The following GALNT16 variants were observed in gnomAD, a reference collection of about 807,000 sequenced individuals.
GALNT16 encodes polypeptide N-acetylgalactosaminyltransferase 16, also known as UDP-GalNAc:polypeptide N-acetylgalactosaminyltransferase-like protein 1.
In GALNT16, 40 loss-of-function variants were observed where a neutral mutation model predicts 76.1. The observed-to-expected ratio is 0.53, with a 90% confidence interval of 0.41 to 0.68. The LOEUF (loss-of-function observed/expected upper bound fraction) is 0.68. Among genes scored for constraint, GALNT16 ranks in the 30% least tolerant of loss-of-function variants. GALNT16 has a pLI of 0.00. For synonymous variants in GALNT16, 276 were observed against 285.2 expected (o/e 0.97, Z 0.32); for missense variants, 621 against 731.9 (o/e 0.85, Z 1.75).
the GALNT16 span, among the ~76,000 whole-genome samples, chr14:69,383,172 C>G: frequency 3.0e-4 from 46 of 152,286 alleles, no homozygotes; most frequent in African/African-American, 1.1e-3. Flanking sequence ...ACATACAGAT[C>G]AGAAAACTGG....
At chr14:69,297,202 T>C (rs1177527398) in intron 1 of GALNT16, among the ~76,000 whole-genome samples, 1 of 152,254 alleles carries the variant, frequency 6.6e-6, no homozygotes, top group Non-Finnish European at 1.5e-5. Context: ...GTAGCATTTG[T>C]AATTTTTACT....
chr14:69,384,163 G>T, the GALNT16 span, among the ~76,000 whole-genome samples: 1 of 152,138 alleles, frequency 6.6e-6, no homozygotes, highest in East Asian at 1.9e-4. Context: ...TATCTCACAC[G>T]TAGACATTAA....
At position 69,333,710 on chromosome 14, in the gene GALNT16, A is replaced by G. The variant is rs186092938; in HGVS notation, c.967+110A>G. The stretch of plus-strand genomic sequence containing the variant: ...GACCTGCTCTAAGGACTTTACACAC[A>G]TGAGGTCATTTAATTCTCTCAAGGA... On this transcript the variant is annotated intron_variant, in intron 9 of 14. Transcript: ENST00000448469. The surrounding 1 kb of genome is among the most constrained non-coding windows in gnomAD (Gnocchi z 4.2). 1.2e-3 allele frequency: 775 copies of G among 643,070 alleles called. 2 individuals carry two copies. The highest frequency in any genetic ancestry group is 1.7e-3 in the Non-Finnish European group (615 of 362,344). 39.8% of individuals were successfully genotyped at this position (643,070 alleles called of 1,614,324 possible).
intron 13 of GALNT16, among the ~76,000 whole-genome samples, chr14:69,347,524 A>G (rs2045582637): frequency 1.3e-5 from 2 of 152,074 alleles, no homozygotes; most frequent in South Asian, 4.2e-4. Flanking sequence ...TTGCACCCAC[A>G]TCGAAACTAA....
the GALNT16 span, among the ~76,000 whole-genome samples, chr14:69,383,669 C>G: frequency 6.6e-6 from 1 of 152,142 alleles, no homozygotes; most frequent in Non-Finnish European, 1.5e-5. Flanking sequence ...CGGTTTTTAA[C>G]ACTCTGAAAC....
At chr14:69,337,874 C>G (rs140778362) in intron 9 of GALNT16, among the ~76,000 whole-genome samples, 1 of 152,258 alleles carries the variant, frequency 6.6e-6, no homozygotes, top group East Asian at 1.9e-4. Flanking sequence ...GTCCTTAGAG[C>G]CAGCTGAGGA....
the GALNT16 span, among the ~76,000 whole-genome samples, chr14:69,368,018 A>G: frequency 6.6e-6 from 1 of 152,138 alleles, no homozygotes; most frequent in South Asian, 2.1e-4. Flanking sequence ...AAGAAAAAGA[A>G]AAGAGAAAGA....
chr14:69,270,385 G>C (rs141883185), intron 1 of GALNT16, among the ~76,000 whole-genome samples: 1 of 152,278 alleles, frequency 6.6e-6, no homozygotes, highest in East Asian at 1.9e-4. Context: ...ACACAGTGTC[G>C]TGTGTCTCTG....
intron 5 of GALNT16, among the ~76,000 whole-genome samples, chr14:69,327,209 G>A (rs1147464): frequency 0.3 from 45,015 of 152,116 alleles, 7,103 homozygotes; most frequent in East Asian, 0.5. Context: ...AAATATCTGG[G>A]TGTGGTGGCA....
At chr14:69,350,567 T>TC (rs932753929) in intron 14 of GALNT16, 13 of 152,454 alleles carry the variant, frequency 8.5e-5, no homozygotes, top group African/African-American at 2.9e-4. Context: ...AGAGGCTGGG[T>TC]CTCAGCCCTA....
intron 1 of GALNT16, among the ~76,000 whole-genome samples, chr14:69,305,848 A>G (rs1259949964): frequency 6.6e-6 from 1 of 152,168 alleles, no homozygotes; most frequent in Non-Finnish European, 1.5e-5. Context: ...TGCAAGACCA[A>G]TGGCATGAGG....
rs899727577 is a variant in GALNT16, at chr14:69,333,415, C to T, written c.864-82C>T. The T allele has an allele frequency of 5.2e-5, 44 of 839,032 alleles. No homozygotes were observed. Among genetic ancestry groups the T allele is most frequent in the Non-Finnish European group, 7.1e-5 (35 of 492,346 alleles). The allele number at this position is 839,032 out of a possible 1,614,324, so 52.0% of individuals were successfully genotyped here. On this transcript the variant is annotated intron_variant, in intron 8 of 14. Transcript: ENST00000448469. The surrounding 1 kb of genome is among the most constrained non-coding windows in gnomAD (Gnocchi z 4.2). The stretch of plus-strand genomic sequence containing the variant: ...CTGCAGGGAGGGATCTAGAGGCAGA[C>T]GGTCTTGGGTCCTGGGGCCATCTAA...
At chr14:69,334,002 G>A (rs1349626540) in intron 9 of GALNT16, among the ~76,000 whole-genome samples, 4 of 152,256 alleles carry the variant, frequency 2.6e-5, no homozygotes, top group African/African-American at 7.2e-5. Flanking sequence ...GATGGAGTCA[G>A]ATGGCCTGGG....
intron 1 of GALNT16, among the ~76,000 whole-genome samples, chr14:69,294,821 G>A (rs2044733685): frequency 6.6e-6 from 1 of 152,102 alleles, no homozygotes; most frequent in Admixed American, 6.6e-5. Context: ...TAGGCTCAAG[G>A]GATCCTCCTG....
At chr14:69,321,555 C>A (rs979677769) in intron 2 of GALNT16, among the ~76,000 whole-genome samples, 2 of 152,208 alleles carry the variant, frequency 1.3e-5, no homozygotes, top group African/African-American at 4.8e-5. Flanking sequence ...TGCTGAAGCA[C>A]CACCCCCCGC....
intron 1 of GALNT16, among the ~76,000 whole-genome samples, chr14:69,263,720 T>A (rs1317537911): frequency 2.6e-5 from 4 of 152,360 alleles, no homozygotes. Flanking sequence ...ATGGCCAGAT[T>A]TCTCAAGAAG....
chr14:69,326,969 T>C (rs2045294439), intron 5 of GALNT16, among the ~76,000 whole-genome samples: 2 of 152,062 alleles, frequency 1.3e-5, no homozygotes, highest in African/African-American at 4.8e-5. Flanking sequence ...GGGGAATAGA[T>C]GGAGTGAATT....
intron 10 of GALNT16, 90 bp downstream of exon 10, chr14:69,338,867 G>C: frequency 9.6e-7 from 1 of 1,042,656 alleles, no homozygotes; most frequent in South Asian, 1.6e-5. Context: ...GTGACTGTGG[G>C]CAGCCACCTC....
chr14:69,382,209 A>G, the GALNT16 span, among the ~76,000 whole-genome samples: 1 of 152,222 alleles, frequency 6.6e-6, no homozygotes, highest in African/African-American at 2.4e-5. Flanking sequence ...CTGAACAGTA[A>G]GGTCACAATC....
Sources: allele counts gnomAD v4.1 joint callset (sites outside exome capture counted in the v4.1 genomes callset), GRCh38; gene constraint gnomAD v4.1.1; non-coding constraint Gnocchi (gnomAD v3.1); transcripts MANE v1.5; gene names NCBI Gene and HGNC (gene_info 2026-07-23, HGNC 2026-07-21).